Variants in USP4 observed in about 807,000 individuals in gnomAD.
The protein encoded by USP4 is ubiquitin specific peptidase 4, also known as ubiquitin carboxyl-terminal hydrolase 4.
USP4 carries 72 observed loss-of-function variants against 118.2 expected under a neutral mutation model. The ratio of observed to expected loss-of-function variants is 0.61; its 90% CI spans 0.50 to 0.74. The LOEUF is 0.74. Among genes scored for constraint, USP4 ranks in the 30% least tolerant of loss-of-function variants. USP4 has a pLI of 0.00. For missense variants in USP4, 1,037 were observed against 1,185.7 expected (o/e 0.87, Z 1.84); for synonymous variants, 415 against 440.4 (o/e 0.94, Z 0.72).
intron 1 of USP4, among the ~76,000 whole-genome samples, chr3:49,339,380 A>C (rs1021503862): frequency 1.3e-5 from 2 of 151,818 alleles, no homozygotes; most frequent in Non-Finnish European, 2.9e-5. Flanking sequence ...CTCCTCTCCC[A>C]CTCCAAGACA....
chr3:49,323,598 G>C (rs2047523016), intron 6 of USP4, among the ~76,000 whole-genome samples: 1 of 152,050 alleles, frequency 6.6e-6, no homozygotes, highest in African/African-American at 2.4e-5. Flanking sequence ...TGGCAACCGG[G>C]GTTTCTTAAA....
intron 2 of USP4, among the ~76,000 whole-genome samples, chr3:49,329,190 A>G (rs1575621395): frequency 6.6e-6 from 1 of 152,156 alleles, no homozygotes; most frequent in Non-Finnish European, 1.5e-5. Flanking sequence ...AAAAATAAAA[A>G]TAAAAGTAAA....
intron 19 of USP4, 26 bp from the exon 20 acceptor site, chr3:49,280,873 AT>A (rs759754430): frequency 6.2e-7 from 1 of 1,603,882 alleles, no homozygotes; most frequent in Non-Finnish European, 8.5e-7. Context: ...AAAAATAGTT[AT>A]TGAATATGTT....
chr3:49,295,742 C>T (rs566094850), intron 13 of USP4, among the ~76,000 whole-genome samples: 1 of 142,968 alleles, frequency 7.0e-6, no homozygotes, highest in Admixed American at 6.7e-5. Context: ...ACACCCCCCC[C>T]TCCCCAAATG....
intron 6 of USP4, chr3:49,312,686 G>T: frequency 3.1e-6 from 1 of 326,384 alleles, no homozygotes; most frequent in South Asian, 2.4e-5. Flanking sequence ...CAGCTACTGG[G>T]GAGGCTGAGG....
chr3:49,301,413 C>T (rs1426064984), intron 10 of USP4, among the ~76,000 whole-genome samples: 1 of 152,098 alleles, frequency 6.6e-6, no homozygotes, highest in Non-Finnish European at 1.5e-5. Flanking sequence ...TTTGGCGGGG[C>T]ACGGTGGCTG....
intron 10 of USP4, among the ~76,000 whole-genome samples, chr3:49,301,453 C>T (rs576253666): frequency 3.9e-5 from 6 of 151,904 alleles, no homozygotes; most frequent in East Asian, 1.9e-4. Context: ...TTTGGGAGGC[C>T]GAAGCAGGCG....
At position 49,327,748 on chromosome 3, in the gene USP4, C is replaced by A. The variant is rs753066083; in HGVS notation, c.298G>T (p.Ala100Ser). 3 of 1,613,928 alleles carry A rather than the reference C, an allele frequency of 1.9e-6. No individual in the cohort carries two copies. Among genetic ancestry groups the A allele is most frequent in the South Asian group, 1.1e-5 (1 of 91,088 alleles). The change falls in exon 3 of 22, where the codon GCG (alanine) becomes TCG (serine). Residue 100 changes from alanine (A) to serine (S), a missense_variant. Physicochemically the swap from Ala to Ser is moderately conservative, Grantham distance 99 (BLOSUM62 1). This residue lies in a region of USP4 where 487 missense variants were observed against 534.1 expected (regional missense o/e 0.91). Coordinates refer to ENST00000265560, the MANE Select transcript of USP4 (RefSeq NM_003363.4). The part of the protein sequence containing the change: ...ELDYVLVPTE[A>S]WNKLLNWYGC... ...TACCAGTTTAGTAGTTTATTCCACG[C>A]CTCGGTAGGGACCAATACATAGTCC... is the stretch of plus-strand genomic sequence containing the variant.
chr3:49,304,749 G>C lies in USP4; in HGVS notation c.1128+966C>G, dbSNP rs191889865. Among the ~76,000 whole-genome samples the C allele has an allele frequency of 4.0e-5, 6 of 151,588 alleles. No homozygotes were observed. The East Asian group carries it at 1.2e-3, about 29-fold the overall frequency. ...GACTACAGGTACATCACCATGTCCA[G>C]CTAATTTTGTTGTTGTTGTTGTTGT... On this transcript the variant is annotated intron_variant, in intron 9 of 21. Transcript: ENST00000265560.
chr3:49,309,375 T>C (rs1056157291), intron 8 of USP4, among the ~76,000 whole-genome samples: 1 of 152,130 alleles, frequency 6.6e-6, no homozygotes, highest in African/African-American at 2.4e-5. Flanking sequence ...TACAGTGCTG[T>C]CACATAATAT....
At chr3:49,333,323 G>A (rs1375785292) in intron 2 of USP4, among the ~76,000 whole-genome samples, 1 of 151,972 alleles carries the variant, frequency 6.6e-6, no homozygotes, top group African/African-American at 2.4e-5. Context: ...AAATGAGCCA[G>A]GAATGCTGGC....
Position 49,278,322 on chromosome 3 carries a change from C to T in USP4, c.2863G>A (p.Asp955Asn). 1 of 1,614,086 alleles carries T rather than the reference C, an allele frequency of 6.2e-7. No individual in the cohort carries two copies. Among genetic ancestry groups the T allele is most frequent in the Non-Finnish European group, 8.5e-7 (1 of 1,180,010 alleles). The change falls in exon 22 of 22, where the codon GAT becomes AAT. Residue 955 changes from aspartate to asparagine, a missense_variant. By Grantham distance (23) the Asp-to-Asn change is conservative (BLOSUM62 1). Around this residue, in one of 3 missense-constraint regions of USP4, gnomAD observed 522 missense variants for 592.6 expected, o/e 0.88. Transcript: ENST00000265560. ...PSSSQQGFGD[D>N]EACSMDTN ...TTGGTGTCCATGCTGCAAGCCTCAT[C>T]ATCCCCAAAGCCCTGCTGAGAGCTG... is the stretch of plus-strand genomic sequence containing the variant.
At chr3:49,289,462 G>A (rs991378243) in intron 15 of USP4, among the ~76,000 whole-genome samples, 2 of 152,190 alleles carry the variant, frequency 1.3e-5, no homozygotes, top group African/African-American at 4.8e-5. Context: ...TCACCCAGGG[G>A]CTGTTCAGAG....
At chr3:49,288,255 T>C (rs1051861041) in intron 15 of USP4, among the ~76,000 whole-genome samples, 2 of 152,196 alleles carry the variant, frequency 1.3e-5, no homozygotes, top group Non-Finnish European at 2.9e-5. Flanking sequence ...ACTGCCTCTA[T>C]CCCACTCAGG....
intron 3 of USP4, among the ~76,000 whole-genome samples, chr3:49,327,304 G>A (rs1575620494): frequency 1.3e-5 from 2 of 152,110 alleles, no homozygotes; most frequent in South Asian, 2.1e-4. Context: ...TTGGGGGGCC[G>A]AGTCGGGCGG....
At chr3:49,284,808 A>G (rs1367881241) in intron 17 of USP4, 41 bp downstream of exon 17, 1 of 1,585,652 alleles carries the variant, frequency 6.3e-7, no homozygotes. Flanking sequence ...CCAGAGCAGA[A>G]ACCAGCAGAC....
At chr3:49,297,736 C>T (rs1426297367) in intron 13 of USP4, 134 bp downstream of exon 13, 2 of 693,398 alleles carry the variant, frequency 2.9e-6, no homozygotes, top group Non-Finnish European at 5.1e-6. Context: ...ATACCCATCT[C>T]TTGCACCCAG....
At position 49,306,160 on chromosome 3, in the gene USP4, A is replaced by G. The variant is rs944969982; in HGVS notation, c.955-272T>C. On this transcript the variant is annotated intron_variant, in intron 8 of 21. Transcript: ENST00000265560. ...TCTGAAAAAAACTACCTTAGGAAAA[A>G]AGCTGAATAATTGCATAATTCTTAT... is the stretch of plus-strand genomic sequence containing the variant. Among the ~76,000 whole-genome samples the G allele has an allele frequency of 4.6e-5, 7 of 152,096 alleles. No individual in the cohort carries two copies. In the South Asian group the frequency reaches 1.5e-3, roughly 32 times the overall value.
At chr3:49,299,192 C>A (rs1286788240) in intron 11 of USP4, among the ~76,000 whole-genome samples, 2 of 152,034 alleles carry the variant, frequency 1.3e-5, no homozygotes, top group East Asian at 3.9e-4. Context: ...CGGGTTCAAG[C>A]GATTCTCCTG....
Sources: allele counts gnomAD v4.1 joint callset (sites outside exome capture counted in the v4.1 genomes callset), GRCh38; gene constraint gnomAD v4.1.1; regional missense constraint gnomAD v4.1.1; transcripts MANE v1.5; gene names NCBI Gene and HGNC (gene_info 2026-07-23, HGNC 2026-07-21).